SPIDR: variants seen among roughly 807,000 people sequenced by gnomAD.
SPIDR encodes the protein DNA repair-scaffolding protein.
In SPIDR, 93 loss-of-function variants were observed where a neutral mutation model predicts 104.6. The observed-to-expected ratio is 0.89, with a 90% CI of 0.75 to 1.06. SPIDR has a LOEUF of 1.06. SPIDR is among the 50% of genes least tolerant of loss of function. The probability of loss-of-function intolerance (pLI) is 0.00; values close to 1 mark genes in which losing one functional copy is unlikely to be tolerated. For synonymous variants in SPIDR, 431 were observed against 416.9 expected (o/e 1.03, Z -0.41); for missense variants, 1,154 against 1,111.2 (o/e 1.04, Z -0.55).
intron 7 of SPIDR, among the ~76,000 whole-genome samples, chr8:47,419,718 T>C (rs529868363): frequency 3.3e-5 from 5 of 152,162 alleles, no homozygotes; most frequent in South Asian, 2.1e-4. Flanking sequence ...GTTAGGGTGT[T>C]AATTTTAGAT....
chr8:47,670,038 A>G (rs1477836986), intron 10 of SPIDR, among the ~76,000 whole-genome samples: 2 of 152,118 alleles, frequency 1.3e-5, no homozygotes, highest in African/African-American at 2.4e-5. Context: ...CATTTAAAGC[A>G]AAGTCTTGGG....
intron 5 of SPIDR, among the ~76,000 whole-genome samples, chr8:47,395,204 C>G (rs2061119401): frequency 6.6e-6 from 1 of 152,040 alleles, no homozygotes; most frequent in East Asian, 1.9e-4. Context: ...CAAAAATTAG[C>G]TGGGCATCGT....
At chr8:47,503,771 A>G (rs936720333) in intron 8 of SPIDR, among the ~76,000 whole-genome samples, 1 of 152,128 alleles carries the variant, frequency 6.6e-6, no homozygotes, top group Non-Finnish European at 1.5e-5. Context: ...AGTGGCTGGT[A>G]CCGGTTGTTC....
intron 5 of SPIDR, among the ~76,000 whole-genome samples, chr8:47,385,696 C>T (rs974566632): frequency 6.6e-6 from 1 of 152,148 alleles, no homozygotes; most frequent in Non-Finnish European, 1.5e-5. Context: ...ATATTTTGCT[C>T]ATTTTTTCCA....
intron 14 of SPIDR, among the ~76,000 whole-genome samples, chr8:47,706,766 A>G (rs956199812): frequency 7.2e-5 from 11 of 152,196 alleles, no homozygotes; most frequent in African/African-American, 2.7e-4. Context: ...TCCAAAAACT[A>G]GATAGCTTAA....
At chr8:47,387,174 A>G (rs2060051782) in intron 5 of SPIDR, among the ~76,000 whole-genome samples, 1 of 152,168 alleles carries the variant, frequency 6.6e-6, no homozygotes. Context: ...AGGGAAGAAT[A>G]TAGTGTAGAA....
At chr8:47,610,194 G>A (rs967094199) in intron 10 of SPIDR, among the ~76,000 whole-genome samples, 8 of 152,088 alleles carry the variant, frequency 5.3e-5, no homozygotes, top group African/African-American at 1.7e-4. Context: ...ACCTGGAACA[G>A]TCTCCCTACT....
At position 47,312,596 on chromosome 8, in the gene SPIDR, G is replaced by C. The variant is rs587770650; in HGVS notation, c.525+18566G>C. On this transcript the variant is annotated intron_variant, in intron 5 of 19. Coordinates refer to ENST00000297423, the MANE Select transcript of SPIDR (RefSeq NM_001080394.4). Reference sequence around the variant, plus strand: ...GTTTTTTTCTTGTAAATTTGTTTGAGTTCATTGTAGATTCTGGATATTAGC... The same window carrying C: ...GTTTTTTTCTTGTAAATTTGTTTGACTTCATTGTAGATTCTGGATATTAGC... 5.9e-5 allele frequency among the ~76,000 whole-genome samples: 9 copies of C among 152,220 alleles called. No homozygotes were observed. In the East Asian group the frequency reaches 1.7e-3, roughly 29 times the overall value.
intron 5 of SPIDR, among the ~76,000 whole-genome samples, chr8:47,308,297 A>G (rs1275086047): frequency 6.6e-6 from 1 of 151,234 alleles, no homozygotes; most frequent in Non-Finnish European, 1.5e-5. Flanking sequence ...TCCTGACCTC[A>G]GGTGATCTGC....
chr8:47,268,727 G>A (rs748542398), intron 1 of SPIDR, among the ~76,000 whole-genome samples: 7 of 152,032 alleles, frequency 4.6e-5, no homozygotes, highest in Non-Finnish European at 1.0e-4. Flanking sequence ...CAAAGCTCTG[G>A]GATTATAGGC....
intron 10 of SPIDR, among the ~76,000 whole-genome samples, chr8:47,623,352 C>A (rs1247664117): frequency 1.3e-5 from 2 of 152,168 alleles, no homozygotes; most frequent in African/African-American, 2.4e-5. Context: ...AGCCAGCTGA[C>A]ATCATAATGA....
chr8:47,486,429 G>A (rs1157042628), intron 8 of SPIDR, among the ~76,000 whole-genome samples: 2 of 152,140 alleles, frequency 1.3e-5, no homozygotes, highest in Admixed American at 6.5e-5. Context: ...AAAACACTCT[G>A]CGGATATTAT....
intron 11 of SPIDR, among the ~76,000 whole-genome samples, chr8:47,691,834 G>A (rs1249380960): frequency 6.6e-6 from 1 of 152,202 alleles, no homozygotes; most frequent in African/African-American, 2.4e-5. Context: ...GCTTGACTTA[G>A]GAAAAGGAAG....
At chr8:47,347,598 T>C (rs2052404838) in intron 5 of SPIDR, among the ~76,000 whole-genome samples, 2 of 152,204 alleles carry the variant, frequency 1.3e-5, no homozygotes. Flanking sequence ...AGTCTCTTTG[T>C]AGATCTGTAA....
At chr8:47,447,682 A>G (rs967826104) in intron 8 of SPIDR, among the ~76,000 whole-genome samples, 3 of 152,248 alleles carry the variant, frequency 2.0e-5, no homozygotes, top group African/African-American at 7.2e-5. Context: ...GCCATCAAAC[A>G]GTATCTCATG....
rs200381932 is a variant in SPIDR, at chr8:47,442,368, G to GT, written c.1097+1828dup. ...GTGACTATACACAATCTATATGTAA[G>GT]TTATGTAATCCTGCCTATTTTTCTA... On this transcript the variant is annotated intron_variant, in intron 8 of 19. Transcript: ENST00000297423. 1.3e-3 allele frequency among the ~76,000 whole-genome samples: 192 copies of GT among 152,234 alleles called. 2 individuals carry two copies. In the East Asian group the frequency reaches 0.034, roughly 27 times the overall value.
At chr8:47,456,676 A>G (rs1399004996) in intron 8 of SPIDR, among the ~76,000 whole-genome samples, 2 of 152,096 alleles carry the variant, frequency 1.3e-5, no homozygotes, top group African/African-American at 4.8e-5. Context: ...TAAGTTCTTT[A>G]GTGGCAATTT....
At chr8:47,721,755 G>A (rs1456862130) in intron 16 of SPIDR, among the ~76,000 whole-genome samples, 4 of 152,242 alleles carry the variant, frequency 2.6e-5, no homozygotes, top group African/African-American at 7.2e-5. Context: ...GATTACAGGC[G>A]TGAGCCACCG....
At chr8:47,613,085 CTA>C (rs2063808844) in intron 10 of SPIDR, among the ~76,000 whole-genome samples, 1 of 152,194 alleles carries the variant, frequency 6.6e-6, no homozygotes, top group Non-Finnish European at 1.5e-5. Flanking sequence ...ACTACCAACT[CTA>C]TATCATTCCA....
Sources: allele counts gnomAD v4.1 joint callset (sites outside exome capture counted in the v4.1 genomes callset), GRCh38; gene constraint gnomAD v4.1.1; transcripts MANE v1.5; gene names NCBI Gene and HGNC (gene_info 2026-07-23, HGNC 2026-07-21).